Variants in CSMD3 observed in about 807,000 individuals in gnomAD.
CSMD3 encodes CUB and Sushi multiple domains 3, also known as CUB and sushi domain-containing protein 3.
Under a neutral mutation model 435.2 loss-of-function variants are expected in CSMD3, and 177 were observed. The observed-to-expected ratio is 0.41, with a 90% confidence interval of 0.36 to 0.46. The LOEUF (loss-of-function observed/expected upper bound fraction) is 0.46. Ranked by LOEUF, CSMD3 falls within the 20% of genes least tolerant of loss-of-function variation. CSMD3 has a pLI of 0.34. For missense variants in CSMD3, 4,265 were observed against 4,504.6 expected, an observed-to-expected ratio of 0.95 and a Z score of 1.52; for synonymous variants, 1,656 against 1,520.5, an observed-to-expected ratio of 1.09 and a Z score of -2.07.
chr8:112,867,575 C>T (rs564695713), intron 10 of CSMD3, among the ~76,000 whole-genome samples: 13 of 152,168 alleles, frequency 8.5e-5, no homozygotes, highest in Non-Finnish European at 1.3e-4. Flanking sequence ...TAGCCTATTG[C>T]TTCTAATCTA....
At chr8:112,856,872 A>G (rs1406075971) in intron 11 of CSMD3, among the ~76,000 whole-genome samples, 1 of 151,806 alleles carries the variant, frequency 6.6e-6, no homozygotes, top group Non-Finnish European at 1.5e-5. Flanking sequence ...TTATACCAAC[A>G]ATTTCCTTCT....
chr8:112,377,729 G>A (rs1047161143), intron 38 of CSMD3, among the ~76,000 whole-genome samples: 2 of 151,974 alleles, frequency 1.3e-5, no homozygotes, highest in Non-Finnish European at 2.9e-5. Context: ...TACATTAACA[G>A]AGTGAAGAAT....
At chr8:112,719,227 G>T (rs149129484) in intron 13 of CSMD3, among the ~76,000 whole-genome samples, 27 of 152,216 alleles carry the variant, frequency 1.8e-4, no homozygotes, top group Non-Finnish European at 3.8e-4. Context: ...ACTATTTTCG[G>T]TCAGATTAGA....
intron 5 of CSMD3, among the ~76,000 whole-genome samples, chr8:113,067,247 G>GT (rs2088899231): frequency 2.0e-5 from 3 of 152,098 alleles, no homozygotes; most frequent in Admixed American, 6.5e-5. Context: ...TTATAGCAAT[G>GT]TGAGAATGGA....
intron 23 of CSMD3, among the ~76,000 whole-genome samples, chr8:112,579,664 T>G (rs2131324685): frequency 6.6e-6 from 1 of 152,138 alleles, no homozygotes; most frequent in Non-Finnish European, 1.5e-5. Context: ...ACTGAAAATT[T>G]AACAATAGCC....
At chr8:112,932,610 C>A (rs2083148171) in intron 9 of CSMD3, among the ~76,000 whole-genome samples, 1 of 151,744 alleles carries the variant, frequency 6.6e-6, no homozygotes, top group Non-Finnish European at 1.5e-5. Context: ...TGCACTCCAG[C>A]CTGGGAGACA....
At position 112,672,298 on chromosome 8, in the gene CSMD3, A is replaced by C. The variant is rs560607692; in HGVS notation, c.2678-5883T>G. 6.6e-5 allele frequency among the ~76,000 whole-genome samples: 10 copies of C among 152,226 alleles called. No individual in the cohort carries two copies. In the East Asian group the frequency reaches 1.5e-3, roughly 24 times the overall value. Reference sequence around the variant, plus strand: ...CACTAATCTGTGTGGGGGAAAGTCAAGTGGTTCTTGTTGTTACAACTTATT... The same window carrying C: ...CACTAATCTGTGTGGGGGAAAGTCACGTGGTTCTTGTTGTTACAACTTATT... On this transcript the variant is annotated intron_variant, in intron 16 of 70. Coordinates refer to ENST00000297405, the MANE Select transcript of CSMD3 (RefSeq NM_198123.2).
At chr8:112,526,673 A>C (rs1825001081) in intron 27 of CSMD3, among the ~76,000 whole-genome samples, 1 of 152,002 alleles carries the variant, frequency 6.6e-6, no homozygotes, top group African/African-American at 2.4e-5. Flanking sequence ...AAAATAAATA[A>C]TTTTATCTTT....
chr8:112,791,765 G>A (rs1412976816), intron 13 of CSMD3, among the ~76,000 whole-genome samples: 1 of 152,044 alleles, frequency 6.6e-6, no homozygotes, highest in Non-Finnish European at 1.5e-5. Flanking sequence ...AAAAAGGCTG[G>A]GTTGTGAGGT....
At chr8:112,651,027 C>CT (rs2075113670) in intron 18 of CSMD3, among the ~76,000 whole-genome samples, 1 of 152,118 alleles carries the variant, frequency 6.6e-6, no homozygotes, top group Admixed American at 6.5e-5. Context: ...CTTTTAGAAA[C>CT]ATTCCTGGCC....
intron 1 of CSMD3, among the ~76,000 whole-genome samples, chr8:113,326,381 C>A (rs1454709861): frequency 6.6e-6 from 1 of 151,780 alleles, no homozygotes; most frequent in African/African-American, 2.4e-5. Context: ...TGATGATCCT[C>A]ACTATAACAT....
intron 11 of CSMD3, among the ~76,000 whole-genome samples, chr8:112,836,493 T>G (rs2080028172): frequency 6.6e-6 from 1 of 151,840 alleles, no homozygotes; most frequent in African/African-American, 2.4e-5. Context: ...CGATTACACG[T>G]ATTTGACCTA....
In CSMD3 at chr8:112,341,672, A is replaced by G. The variant is rs1228423872; in HGVS notation, c.6457T>C (p.Phe2153Leu). Residue 2153 changes from phenylalanine to leucine, a missense_variant, in exon 42 of 71, where the codon TTT becomes CTT. Physicochemically the swap from Phe to Leu is conservative, Grantham distance 22 (BLOSUM62 0). This residue lies in a region of CSMD3 where 3,255 missense variants were observed against 3,380.2 expected (regional missense o/e 0.96). Coordinates refer to ENST00000297405, the MANE Select transcript of CSMD3 (RefSeq NM_198123.2). ...LPIGFGVHLQFVNFSTETIHD... is the reference protein window; with the variant it reads ...LPIGFGVHLQLVNFSTETIHD... ...ATGGTTTCTGTAGAAAAATTTACAA[A>G]CTGGAGATGTACACCTGAAGAAGAA... The G allele has an allele frequency of 6.2e-7, 1 of 1,604,104 alleles. No individual in the cohort carries two copies. The highest frequency in any genetic ancestry group is 8.5e-7 in the Non-Finnish European group (1 of 1,171,116).
rs144795782 is a variant in CSMD3, at chr8:112,548,278, T to C, written c.4564+2393A>G. Among the ~76,000 whole-genome samples the C allele has an allele frequency of 2.3e-4, 35 of 152,298 alleles. No individual in the cohort carries two copies. The East Asian group carries it at 6.4e-3, about 28-fold the overall frequency. Reference sequence around the variant, plus strand: ...TTCACTCATATTTCATCTCCTTTTTTAGATTGGGACCTTTGATGTGGTGCT... The same window carrying C: ...TTCACTCATATTTCATCTCCTTTTTCAGATTGGGACCTTTGATGTGGTGCT... On this transcript the variant is annotated intron_variant, in intron 27 of 70. Coordinates refer to ENST00000297405, the MANE Select transcript of CSMD3 (RefSeq NM_198123.2).
chr8:112,670,145 T>C (rs1313784719), intron 16 of CSMD3, among the ~76,000 whole-genome samples: 2 of 152,058 alleles, frequency 1.3e-5, no homozygotes. Context: ...TTAAACAGGA[T>C]GAAATCAAGA....
intron 45 of CSMD3, among the ~76,000 whole-genome samples, chr8:112,330,706 G>A (rs935618424): frequency 8.6e-5 from 13 of 151,990 alleles, no homozygotes; most frequent in Admixed American, 3.3e-4. Flanking sequence ...ATTAGGAGGC[G>A]TATTTGAGAA....
At chr8:112,388,402 G>C (rs912447085) in intron 36 of CSMD3, among the ~76,000 whole-genome samples, 1 of 152,070 alleles carries the variant, frequency 6.6e-6, no homozygotes, top group Non-Finnish European at 1.5e-5. Context: ...TCTGATCTCG[G>C]GTAGTAAAAG....
At chr8:113,273,788 C>T (rs2093548602) in intron 3 of CSMD3, among the ~76,000 whole-genome samples, 1 of 152,070 alleles carries the variant, frequency 6.6e-6, no homozygotes. Flanking sequence ...TAAACTATTA[C>T]ATTGTATTAT....
At chr8:112,271,451 G>A (rs11775143) in intron 59 of CSMD3, among the ~76,000 whole-genome samples, 31,802 of 151,914 alleles carry the variant, frequency 0.21, 3,780 homozygotes, top group East Asian at 0.37. Context: ...ATTATAGTAT[G>A]TCATATACAT....
Sources: gnomAD v4.1 joint callset for allele counts (sites outside exome capture counted in the v4.1 genomes callset) on GRCh38, gnomAD v4.1.1 for gene constraint, gnomAD v4.1.1 regional missense constraint, MANE v1.5 for transcripts, NCBI Gene and HGNC (gene_info 2026-07-23, HGNC 2026-07-21) for gene names.